Variants in RNF216 observed in about 807,000 individuals in gnomAD.
RNF216 encodes the protein E3 ubiquitin-protein ligase RNF216.
RNF216 carries 72 observed loss-of-function variants against 110.8 expected under a neutral mutation model. The observed-to-expected ratio is 0.65, with a 90% CI of 0.54 to 0.79. RNF216 has a LOEUF of 0.79. Among genes scored for constraint, RNF216 ranks in the 30% least tolerant of loss-of-function variants. The pLI is 0.00. For synonymous variants in RNF216, 495 were observed against 407.5 expected, an observed-to-expected ratio of 1.21 and a Z score of -2.59; for missense variants, 1,342 against 1,141.2, an observed-to-expected ratio of 1.18 and a Z score of -2.54.
chr7:5,625,429 T>C (rs1226186506), intron 15 of RNF216, among the ~76,000 whole-genome samples: 1 of 152,198 alleles, frequency 6.6e-6, no homozygotes, highest in African/African-American at 2.4e-5. Context: ...ATATTAATAA[T>C]GATCAGTTTG....
Position 5,712,865 on chromosome 7 carries a change from T to A in RNF216, c.1834-2A>T. The A allele has an allele frequency of 6.3e-7, 1 of 1,598,210 alleles. No individual in the cohort carries two copies. The highest frequency in any genetic ancestry group is 8.5e-7 in the Non-Finnish European group (1 of 1,175,158). ...GCCTTCCATGCAGCTGAGCTCCAACTAGAAAAAGGCGAAAAGGCAAAGAAA... is the reference window on the plus strand; with the variant it reads ...GCCTTCCATGCAGCTGAGCTCCAACAAGAAAAAGGCGAAAAGGCAAAGAAA... On this transcript the variant is annotated splice_acceptor_variant, in intron 11 of 16. Coordinates refer to ENST00000389902, the MANE Select transcript of RNF216 (RefSeq NM_207111.4). LOFTEE classifies it high-confidence loss of function.
chr7:5,738,727 AAAAAAT>A (rs1402437154), intron 5 of RNF216, among the ~76,000 whole-genome samples: 13 of 151,822 alleles, frequency 8.6e-5, no homozygotes, highest in Non-Finnish European at 7.4e-5. Flanking sequence ...AAAAAAAAAA[AAAAAAT>A]GCTTCCATGT....
intron 15 of RNF216, among the ~76,000 whole-genome samples, chr7:5,628,347 C>T (rs1786844067): frequency 6.6e-6 from 1 of 152,160 alleles, no homozygotes; most frequent in South Asian, 2.1e-4. Context: ...AAATCATGAG[C>T]CAACTGTCAG....
At chr7:5,699,149 C>G (rs1264855657) in intron 13 of RNF216, among the ~76,000 whole-genome samples, 2 of 152,102 alleles carry the variant, frequency 1.3e-5, no homozygotes, top group African/African-American at 4.8e-5. Context: ...GACTCATAAC[C>G]AATCTGAGCT....
intron 1 of RNF216, among the ~76,000 whole-genome samples, chr7:5,765,613 G>C (rs1033600928): frequency 6.6e-6 from 1 of 151,530 alleles, no homozygotes; most frequent in African/African-American, 2.4e-5. Context: ...CAGGGTGAGA[G>C]CGAGACCCTG....
At chr7:5,689,349 A>G (rs1038774928) in intron 13 of RNF216, among the ~76,000 whole-genome samples, 23 of 148,286 alleles carry the variant, frequency 1.6e-4, no homozygotes, top group African/African-American at 5.6e-4. Flanking sequence ...AACAATAACC[A>G]TATTTGTAGT....
chr7:5,776,474 A>C (rs1796780865), intron 1 of RNF216, among the ~76,000 whole-genome samples: 1 of 150,858 alleles, frequency 6.6e-6, no homozygotes. Flanking sequence ...GGGCGCCTGT[A>C]GTCCTAGCTA....
chr7:5,709,189 G>C (rs1792499081), intron 13 of RNF216, among the ~76,000 whole-genome samples: 1 of 152,086 alleles, frequency 6.6e-6, no homozygotes, highest in African/African-American at 2.4e-5. Flanking sequence ...CCCCAACCTG[G>C]TGCCCTTTCC....
At chr7:5,641,483 T>C in intron 14 of RNF216, 107 bp from the exon 15 acceptor site, 21 of 904,436 alleles carry the variant, frequency 2.3e-5, no homozygotes, top group Non-Finnish European at 3.5e-5. Flanking sequence ...CTTATGGCTT[T>C]TTTGTGACAT....
intron 13 of RNF216, among the ~76,000 whole-genome samples, chr7:5,709,777 C>CA (rs2128627568): frequency 6.6e-6 from 1 of 152,202 alleles, no homozygotes; most frequent in South Asian, 2.1e-4. Flanking sequence ...CTTTTAAAGA[C>CA]AGAGTCTTAG....
At chr7:5,730,440 T>C (rs1458197229) in intron 6 of RNF216, among the ~76,000 whole-genome samples, 2 of 152,230 alleles carry the variant, frequency 1.3e-5, no homozygotes, top group Non-Finnish European at 2.9e-5. Context: ...TTTGTAGGAT[T>C]AAAGATATGG....
chr7:5,665,426 A>G (rs1789444642), intron 13 of RNF216, among the ~76,000 whole-genome samples: 1 of 152,142 alleles, frequency 6.6e-6, no homozygotes, highest in African/African-American at 2.4e-5. Context: ...ATTTCTATGT[A>G]CAGAACCAGG....
chr7:5,660,661 G>A (rs1789057780), intron 13 of RNF216, among the ~76,000 whole-genome samples: 1 of 150,938 alleles, frequency 6.6e-6, no homozygotes, highest in Non-Finnish European at 1.5e-5. Flanking sequence ...CACTGCAGTC[G>A]CGACCTCCCT....
At chr7:5,770,937 T>C (rs1196845513) in intron 1 of RNF216, among the ~76,000 whole-genome samples, 2 of 151,968 alleles carry the variant, frequency 1.3e-5, no homozygotes, top group Non-Finnish European at 2.9e-5. Context: ...CCTCCAGAGT[T>C]GCTGGAATTA....
chr7:5,658,341 C>A (rs1323387247), intron 13 of RNF216, among the ~76,000 whole-genome samples: 1 of 152,108 alleles, frequency 6.6e-6, no homozygotes, highest in African/African-American at 2.4e-5. Context: ...TTAATAAGCA[C>A]AAAGTTTTCA....
chr7:5,759,617 T>A (rs1389992984), intron 2 of RNF216, among the ~76,000 whole-genome samples: 2 of 130,838 alleles, frequency 1.5e-5, no homozygotes, highest in Admixed American at 1.8e-4. Flanking sequence ...TAAGTTTTGG[T>A]GGAGTCATTT....
chr7:5,733,088 C>T (rs1794185210), intron 5 of RNF216: 2 of 152,204 alleles, frequency 1.3e-5, no homozygotes, highest in African/African-American at 4.8e-5. Flanking sequence ...AAAATCCCAG[C>T]CTGCTCAACT....
Position 5,723,718 on chromosome 7 carries a change from C to T in RNF216, c.1504+1606G>A, listed in dbSNP as rs188331014. ...CCTCTAATGTATTTTCCTGCATGAC[C>T]ATAAAAAGGACAGAGGAGGGAGAAC... On this transcript the variant is annotated intron_variant, in intron 8 of 16. Transcript: ENST00000389902. 3.6e-4 allele frequency among the ~76,000 whole-genome samples: 55 copies of T among 152,120 alleles called. 1 individual carries two copies. The highest frequency in any genetic ancestry group is 3.4e-3 in the Middle Eastern group (1 of 294).
intron 6 of RNF216, among the ~76,000 whole-genome samples, chr7:5,730,245 T>A (rs6947405): frequency 0.97 from 148,006 of 152,352 alleles, 71,902 homozygotes; most frequent in Middle Eastern, 0.99. Flanking sequence ...CATAACAAAG[T>A]TGTGCTGATG....
Sources: gnomAD v4.1 joint callset for allele counts (sites outside exome capture counted in the v4.1 genomes callset) on GRCh38, gnomAD v4.1.1 for gene constraint, MANE v1.5 for transcripts, NCBI Gene and HGNC (gene_info 2026-07-23, HGNC 2026-07-21) for gene names.